Variants in VAV2 observed in about 807,000 individuals in gnomAD.
The protein encoded by VAV2 is vav guanine nucleotide exchange factor 2.
A neutral mutation model predicts 132.5 loss-of-function variants in VAV2; 67 were observed. The ratio of observed to expected loss-of-function variants is 0.51; its 90% CI spans 0.42 to 0.62. VAV2 has a LOEUF of 0.62. VAV2 is among the 20% of genes least tolerant of loss of function. VAV2 has a pLI of 0.00. For missense variants in VAV2, 938 were observed against 1,153.6 expected (o/e 0.81, Z 2.71); for synonymous variants, 492 against 443.5 (o/e 1.11, Z -1.37).
intron 9 of VAV2, 88 bp from the exon 10 acceptor site, chr9:133,797,897 C>T: frequency 7.8e-7 from 1 of 1,288,990 alleles, no homozygotes; most frequent in Non-Finnish European, 1.1e-6. Flanking sequence ...TCCCAGCAGG[C>T]TGTAGGTGCG....
chr9:133,775,962 G>A lies in VAV2; in HGVS notation c.2018+66C>T, dbSNP rs906476124. On this transcript the variant is annotated intron_variant, in intron 24 of 29. Transcript: ENST00000371850. ...CCGCTCACAGGCACCACCCAGACCC[G>A]GCGGGCATGCCCCCATAACAAAGAG... The A allele has an allele frequency of 2.5e-5, 39 of 1,538,002 alleles. 1 individual carries two copies. In the South Asian group the frequency reaches 2.7e-4, roughly 11 times the overall value.
rs1025754751 is a variant in VAV2 at position 133,833,781 on chromosome 9, G to A, written c.449+491C>T. Among the ~76,000 whole-genome samples the A allele has an allele frequency of 5.9e-5, 9 of 152,258 alleles. No individual in the cohort carries two copies. The highest frequency in any genetic ancestry group is 7.4e-5 in the Non-Finnish European group (5 of 67,996). Reference sequence around the variant, plus strand: ...GGTGGACACGGAGAAGAGCAGAGGCGGGTCCACCGAGGCAGGGCAGTGCCT... The same window carrying A: ...GGTGGACACGGAGAAGAGCAGAGGCAGGTCCACCGAGGCAGGGCAGTGCCT... On this transcript the variant is annotated intron_variant, in intron 4 of 29. Coordinates refer to ENST00000371850, the MANE Select transcript of VAV2 (RefSeq NM_001134398.2). This position sits in a 1 kb window ranked among gnomAD's most constrained non-coding sequence, Gnocchi z 5.6.
At chr9:133,922,131 C>T (rs3780761) in intron 2 of VAV2, among the ~76,000 whole-genome samples, 19,308 of 152,244 alleles carry the variant, frequency 0.13, 1,756 homozygotes, top group African/African-American at 0.25. Flanking sequence ...TGCCAGGTGG[C>T]AGCGGGAAGC....
intron 2 of VAV2, among the ~76,000 whole-genome samples, chr9:133,881,050 G>A (rs1838473955): frequency 1.3e-5 from 2 of 149,562 alleles, no homozygotes. Flanking sequence ...CAAGGGGCCA[G>A]CAGCCCAGAG....
In VAV2 at chr9:133,884,316, G is replaced by T. The variant is rs1233315123; in HGVS notation, c.322-22884C>A. 4.6e-5 allele frequency among the ~76,000 whole-genome samples: 7 copies of T among 152,172 alleles called. No individual in the cohort carries two copies. Among genetic ancestry groups the T allele is most frequent in the African/African-American group, 1.7e-4 (7 of 41,430 alleles). ...ATTACCCACCACCACCACGCGTCCTGCCTCCCAGCTGGACCCCAGGCTCCT... is the reference window on the plus strand; with the variant it reads ...ATTACCCACCACCACCACGCGTCCTTCCTCCCAGCTGGACCCCAGGCTCCT... On this transcript the variant is annotated intron_variant, in intron 2 of 29. Coordinates refer to ENST00000371850, the MANE Select transcript of VAV2 (RefSeq NM_001134398.2). The surrounding 1 kb of genome is among the most constrained non-coding windows in gnomAD (Gnocchi z 5.3).
At position 133,867,795 on chromosome 9, in the gene VAV2, C is replaced by T. The variant is rs558437273; in HGVS notation, c.322-6363G>A. On this transcript the variant is annotated intron_variant, in intron 2 of 29. Coordinates refer to ENST00000371850, the MANE Select transcript of VAV2 (RefSeq NM_001134398.2). ...ACCCATCCATGGTCCTCTAGCTGGACGACTGAGGATGCTAACAACTGCCAG... is the reference window on the plus strand; with the variant it reads ...ACCCATCCATGGTCCTCTAGCTGGATGACTGAGGATGCTAACAACTGCCAG... Among the ~76,000 whole-genome samples the T allele has an allele frequency of 3.3e-5, 5 of 152,372 alleles. No individual in the cohort carries two copies. The South Asian group carries it at 8.3e-4, about 25-fold the overall frequency.
Position 133,992,073 on chromosome 9 carries a change from A to C in VAV2, c.204+2T>G. On this transcript the variant is annotated splice_donor_variant, in intron 1 of 29. Transcript: ENST00000371850. LOFTEE classifies it high-confidence loss of function. This position sits in a 1 kb window ranked among gnomAD's most constrained non-coding sequence, Gnocchi z 5.5. ...GGGCCCTCCCGCCCGCCGGGCGCTC[A>C]CCTGGGACATCTGCGGCCGGAAGTT... The C allele has an allele frequency of 6.4e-7, 1 of 1,561,890 alleles. No individual in the cohort carries two copies. Among genetic ancestry groups the C allele is most frequent in the Non-Finnish European group, 8.7e-7 (1 of 1,155,630 alleles).
chr9:133,971,984 G>A, intron 1 of VAV2, among the ~76,000 whole-genome samples: 1 of 152,200 alleles, frequency 6.6e-6, no homozygotes, highest in East Asian at 1.9e-4. Flanking sequence ...GGATTCACCA[G>A]AGATGCAGAT....
At chr9:133,791,970 G>A in intron 12 of VAV2, 101 bp from the exon 13 acceptor site, 1 of 252,300 alleles carries the variant, frequency 4.0e-6, no homozygotes, top group Non-Finnish European at 6.1e-6. Flanking sequence ...GTGCATGTGA[G>A]CGGGCTGTGC....
intron 3 of VAV2, among the ~76,000 whole-genome samples, chr9:133,848,279 C>CAAAAAAAAAAAAAAAAAAAAAAAAAAAA (rs34908811): frequency 2.1e-5 from 1 of 48,620 alleles, no homozygotes; most frequent in African/African-American, 4.8e-5. Context: ...GACTCCGTCT[C>CAAAAAAAAAAAAAAAAAAAAAAAAAAAA]AAAAAAAAAA....
intron 1 of VAV2, among the ~76,000 whole-genome samples, chr9:133,939,582 G>C (rs922961793): frequency 6.6e-6 from 1 of 152,238 alleles, no homozygotes; most frequent in African/African-American, 2.4e-5. Flanking sequence ...GCAGCACCCT[G>C]GGCCCTCCAT....
At position 133,871,462 on chromosome 9, in the gene VAV2, A is replaced by ATG. The variant is rs1299691163; in HGVS notation, c.322-10031_322-10030insCA. ...GATTGATGGATGGATGGATGGATGG[A>ATG]GAAGCGGATGGATGGATGGATGGAT... On this transcript the variant is annotated intron_variant, in intron 2 of 29. Transcript: ENST00000371850. 1.6e-3 allele frequency among the ~76,000 whole-genome samples: 221 copies of ATG among 135,390 alleles called. 1 individual carries two copies. The highest frequency in any genetic ancestry group is 6.0e-3 in the African/African-American group (211 of 35,060). The allele number at this position is 135,390 out of a possible 152,430, so 88.8% of individuals were successfully genotyped here. A position where few individuals can be genotyped will look rare whatever the true frequency, so the allele number is the denominator to read the frequency against.
At chr9:133,937,005 T>C (rs1840935652) in intron 2 of VAV2, among the ~76,000 whole-genome samples, 1 of 152,208 alleles carries the variant, frequency 6.6e-6, no homozygotes, top group Non-Finnish European at 1.5e-5. Flanking sequence ...GAGAGTTTAA[T>C]CCAAATTTAT....
In VAV2 at chr9:133,777,386, C is replaced by T. The variant is rs774529462; in HGVS notation, c.1965+3G>A. ...CCAGAAGCTTCTGTGGGAAAGGACT[C>T]ACCCTTCCATCCACAGGGCAGGGCT... On this transcript the variant is annotated splice_donor_region_variant and intron_variant, in intron 23 of 29. Coordinates refer to ENST00000371850, the MANE Select transcript of VAV2 (RefSeq NM_001134398.2). 48 of 1,613,542 alleles carry T rather than the reference C, an allele frequency of 3.0e-5. No individual in the cohort carries two copies. The highest frequency in any genetic ancestry group is 2.5e-6 in the Non-Finnish European group (3 of 1,179,942).
intron 2 of VAV2, among the ~76,000 whole-genome samples, chr9:133,874,769 A>G (rs1227713204): frequency 6.6e-6 from 1 of 152,090 alleles, no homozygotes; most frequent in Non-Finnish European, 1.5e-5. Context: ...GGGCTGGAAC[A>G]CAGGCGTCTA....
At chr9:133,983,124 G>C (rs1053607865) in intron 1 of VAV2, among the ~76,000 whole-genome samples, 1 of 152,192 alleles carries the variant, frequency 6.6e-6, no homozygotes, top group Admixed American at 6.5e-5. Flanking sequence ...AGGGGCTCGG[G>C]TCTGGGCATC....
At chr9:133,936,784 T>A (rs1840927124) in intron 2 of VAV2, among the ~76,000 whole-genome samples, 1 of 152,048 alleles carries the variant, frequency 6.6e-6, no homozygotes, top group Non-Finnish European at 1.5e-5. Context: ...AAACCCGCCG[T>A]CTACTCCCAG....
intron 1 of VAV2, among the ~76,000 whole-genome samples, chr9:133,970,163 A>C (rs567116802): frequency 6.6e-6 from 1 of 152,222 alleles, no homozygotes; most frequent in East Asian, 1.9e-4. Context: ...GGAGAGACCG[A>C]GTCTCAACCA....
intron 1 of VAV2, among the ~76,000 whole-genome samples, chr9:133,948,144 C>T (rs904116799): frequency 2.6e-5 from 4 of 152,288 alleles, no homozygotes; most frequent in Admixed American, 6.5e-5. Flanking sequence ...GGCAGATGTC[C>T]GAGGCCACTC....
Sources: gnomAD v4.1 joint callset for allele counts (sites outside exome capture counted in the v4.1 genomes callset) on GRCh38, gnomAD v4.1.1 for gene constraint, Gnocchi (gnomAD v3.1) non-coding constraint, MANE v1.5 for transcripts, NCBI Gene and HGNC (gene_info 2026-07-23, HGNC 2026-07-21) for gene names.